Variants in PRDM12 observed in about 807,000 individuals in gnomAD.
PRDM12 encodes PR domain zinc finger protein 12.
Under a neutral mutation model 29.6 loss-of-function variants are expected in PRDM12, and 17 were observed. The observed-to-expected ratio is 0.57, with a 90% CI of 0.39 to 0.86. PRDM12 has a LOEUF of 0.86. PRDM12 is among the 40% of genes least tolerant of loss of function. The pLI is 0.00. For synonymous variants in PRDM12, 231 were observed against 225.8 expected, an observed-to-expected ratio of 1.02 and a Z score of -0.21; for missense variants, 422 against 510.8, an observed-to-expected ratio of 0.83 and a Z score of 1.68.
At position 130,681,143 on chromosome 9, in the gene PRDM12, G is replaced by C. The variant is rs1342719521; in HGVS notation, c.683-105G>C. 3 of 1,206,880 alleles carry C rather than the reference G, an allele frequency of 2.5e-6. No individual in the cohort carries two copies. Among genetic ancestry groups the C allele is most frequent in the Admixed American group, 3.6e-5 (1 of 27,768 alleles). The allele number at this position is 1,206,880 out of a possible 1,614,324, so 74.8% of individuals were successfully genotyped here. A position where few individuals can be genotyped will look rare whatever the true frequency, so the allele number is the denominator to read the frequency against. ...CACCCTCAAGGACGGACCGGCCCCG[G>C]GCTGGGGGCGCTGAGGGCCCGGGCT... is the stretch of plus-strand genomic sequence containing the variant. On this transcript the variant is annotated intron_variant, in intron 4 of 4. Transcript: ENST00000253008. This position sits in a 1 kb window ranked among gnomAD's most constrained non-coding sequence, Gnocchi z 8.1.
At chr9:130,665,689 G>T (rs1229604920) in intron 1 of PRDM12, among the ~76,000 whole-genome samples, 2 of 152,108 alleles carry the variant, frequency 1.3e-5, no homozygotes, top group Non-Finnish European at 2.9e-5. Flanking sequence ...AATTTCTTTC[G>T]AATGGAGCCG....
intron 3 of PRDM12, among the ~76,000 whole-genome samples, chr9:130,674,492 T>TG (rs1830817610): frequency 7.7e-5 from 11 of 142,796 alleles, no homozygotes; most frequent in Admixed American, 1.4e-4. Flanking sequence ...AAAAGATAAT[T>TG]TGTGTGTGTG....
Position 130,681,586 on chromosome 9 carries a change from C to T in PRDM12, c.1021C>T (p.His341Tyr). 8.9e-7 allele frequency: 1 copy of T among 1,124,678 alleles called. No homozygotes were observed. Among genetic ancestry groups the T allele is most frequent in the Non-Finnish European group, 1.1e-6 (1 of 917,832 alleles). The allele number at this position is 1,124,678 out of a possible 1,614,324, so 69.7% of individuals were successfully genotyped here. The change falls in exon 5 of 5, where the codon CAC (histidine) becomes TAC (tyrosine). Residue 341 changes from histidine (H) to tyrosine (Y), a missense_variant. Physicochemically the swap from His to Tyr is moderately conservative, Grantham distance 83. This residue lies in a region of PRDM12 where 66 missense variants were observed against 61.5 expected (regional missense o/e 1.07). Transcript: ENST00000253008. The surrounding 1 kb of genome is among the most constrained non-coding windows in gnomAD (Gnocchi z 8.1). ...ACACTCGCCCGCGCTGCCCGCCCCGCACGCGCACGCGCCCGCGCTCGCCGC... is the reference window on the plus strand; with the variant it reads ...ACACTCGCCCGCGCTGCCCGCCCCGTACGCGCACGCGCCCGCGCTCGCCGC... ...QAHSPALPAP[H>Y]AHAPALAAAA... is the part of the protein sequence containing the mutation.
At position 130,668,441 on chromosome 9, in the gene PRDM12, T is replaced by C; in HGVS notation, c.570+128T>C. The stretch of plus-strand genomic sequence containing the variant: ...GAGCTGACACTGGCCTCGCTGGCTC[T>C]GCGCAGGCCATGGGGCTGTGGCAGA... On this transcript the variant is annotated intron_variant, in intron 3 of 4. Transcript: ENST00000253008. This position sits in a 1 kb window ranked among gnomAD's most constrained non-coding sequence, Gnocchi z 4.0. 4 of 1,441,724 alleles carry C rather than the reference T, an allele frequency of 2.8e-6. No homozygotes were observed. The highest frequency in any genetic ancestry group is 3.8e-6 in the Non-Finnish European group (4 of 1,054,346). The allele number at this position is 1,441,724 out of a possible 1,614,324, so 89.3% of individuals were successfully genotyped here. A position where few individuals can be genotyped will look rare whatever the true frequency, so the allele number is the denominator to read the frequency against.
In PRDM12 at chr9:130,667,622, G is replaced by A. The variant is rs1830746295; in HGVS notation, c.415-536G>A. Among the ~76,000 whole-genome samples the A allele has an allele frequency of 2.0e-5, 3 of 152,266 alleles. No individual in the cohort carries two copies. In the South Asian group the frequency reaches 6.2e-4, roughly 32 times the overall value. On this transcript the variant is annotated intron_variant, in intron 2 of 4. Coordinates refer to ENST00000253008, the MANE Select transcript of PRDM12 (RefSeq NM_021619.3). Reference sequence around the variant, plus strand: ...TTGACCTCATCTCCCTCCTCTGGAGGGCTGGACCACTAACCACCTTCTCCA... The same window carrying A: ...TTGACCTCATCTCCCTCCTCTGGAGAGCTGGACCACTAACCACCTTCTCCA...
intron 3 of PRDM12, among the ~76,000 whole-genome samples, chr9:130,670,330 G>A (rs142787780): frequency 1.3e-5 from 2 of 152,252 alleles, no homozygotes; most frequent in East Asian, 3.9e-4. Flanking sequence ...GGGCCTAGTA[G>A]CTTCTCGGAT....
At chr9:130,669,638 AC>A (rs1419857348) in intron 3 of PRDM12, among the ~76,000 whole-genome samples, 11 of 151,016 alleles carry the variant, frequency 7.3e-5, no homozygotes, top group Non-Finnish European at 1.0e-4. Context: ...ACATGGTGAA[AC>A]CCCGTCTCTA....
chr9:130,672,885 C>A (rs1430689053), intron 3 of PRDM12, among the ~76,000 whole-genome samples: 1 of 152,174 alleles, frequency 6.6e-6, no homozygotes, highest in African/African-American at 2.4e-5. Context: ...AAAATTCTGT[C>A]ATTTCCAATT....
chr9:130,673,010 CAG>C (rs1312851386), intron 3 of PRDM12, among the ~76,000 whole-genome samples: 10 of 152,200 alleles, frequency 6.6e-5, no homozygotes, highest in Non-Finnish European at 1.2e-4. Context: ...GCTGGTATTC[CAG>C]AGTTTTACTG....
At position 130,668,132 on chromosome 9, in the gene PRDM12, C is replaced by G. The variant is rs1830750470; in HGVS notation, c.415-26C>G. The stretch of plus-strand genomic sequence containing the variant: ...TACACATGGCATAGCCCTGCCTTAC[C>G]TGGTCCTTGATCCATCTGTGCCCAG... On this transcript the variant is annotated intron_variant, in intron 2 of 4. Coordinates refer to ENST00000253008, the MANE Select transcript of PRDM12 (RefSeq NM_021619.3). This position sits in a 1 kb window ranked among gnomAD's most constrained non-coding sequence, Gnocchi z 4.0. 1 of 1,612,850 alleles carries G rather than the reference C, an allele frequency of 6.2e-7. No individual in the cohort carries two copies. Among genetic ancestry groups the G allele is most frequent in the Non-Finnish European group, 8.5e-7 (1 of 1,179,212 alleles).
At position 130,668,400 on chromosome 9, in the gene PRDM12, C is replaced by CACAGTGGACAGAGGGGAGCTG. The variant is rs1339754006; in HGVS notation, c.570+91_570+111dup. On this transcript the variant is annotated intron_variant, in intron 3 of 4. Coordinates refer to ENST00000253008, the MANE Select transcript of PRDM12 (RefSeq NM_021619.3). The surrounding 1 kb of genome is among the most constrained non-coding windows in gnomAD (Gnocchi z 4.0). ...GTGCAGGGCAGCGGTGTCCAGGAAC[C>CACAGTGGACAGAGGGGAGCTG]ACAGTGGACAGAGGGGAGCTGACAC... 8.2e-6 allele frequency: 13 copies of CACAGTGGACAGAGGGGAGCTG among 1,576,298 alleles called. No homozygotes were observed. In the Admixed American group the frequency reaches 2.2e-4, roughly 27 times the overall value.
intron 3 of PRDM12, among the ~76,000 whole-genome samples, chr9:130,676,444 C>T (rs939489712): frequency 5.3e-5 from 8 of 151,948 alleles, no homozygotes; most frequent in African/African-American, 7.3e-5. Context: ...TGCAGTGAGC[C>T]AAGATCGCGC....
chr9:130,666,630 G>A lies in PRDM12; in HGVS notation c.246G>A (p.Leu82=), dbSNP rs770609743. The change falls in exon 2 of 5, where the codon CTG becomes CTA. Residue 82 remains leucine (L), a synonymous_variant. Coordinates refer to ENST00000253008, the MANE Select transcript of PRDM12 (RefSeq NM_021619.3). The stretch of plus-strand genomic sequence containing the variant: ...CAGAAGTGCAGAAGCTGTCCAGCCT[G>A]GTGCTGCCTGCGGAGGTGATCATCG... The part of the protein sequence containing the change: ...FSGEVQKLSS[L]VLPAEVIIAQ... 6 of 1,611,944 alleles carry A rather than the reference G, an allele frequency of 3.7e-6. No individual in the cohort carries two copies. In the East Asian group the frequency reaches 8.9e-5, roughly 24 times the overall value.
chr9:130,669,346 A>G lies in PRDM12; in HGVS notation c.570+1033A>G, dbSNP rs183879507. On this transcript the variant is annotated intron_variant, in intron 3 of 4. Coordinates refer to ENST00000253008, the MANE Select transcript of PRDM12 (RefSeq NM_021619.3). ...CATCTCAAAAATAAATAAATAAATA[A>G]ATAAAAATAAAAATACAAATACAAA... Among the ~76,000 whole-genome samples, 972 of 151,490 alleles carry G rather than the reference A, an allele frequency of 6.4e-3. 8 individuals are homozygous for G. The highest frequency in any genetic ancestry group is 0.01 in the Middle Eastern group (3 of 294).
chr9:130,665,088 C>G (rs893331310), intron 1 of PRDM12, among the ~76,000 whole-genome samples: 1 of 152,074 alleles, frequency 6.6e-6, no homozygotes, highest in Non-Finnish European at 1.5e-5. Context: ...GGCTCAAGGA[C>G]CGACCCCGGC....
Position 130,666,603 on chromosome 9 carries a change from C to T in PRDM12, c.224-5C>T, listed in dbSNP as rs1281244302. The T allele has an allele frequency of 1.9e-6, 3 of 1,599,686 alleles. No homozygotes were observed. ...TGACCGGTTTTCCTGGCCCCGCCGCCGCAGAAGTGCAGAAGCTGTCCAGCC... is the reference window on the plus strand; with the variant it reads ...TGACCGGTTTTCCTGGCCCCGCCGCTGCAGAAGTGCAGAAGCTGTCCAGCC... On this transcript the variant is annotated splice_polypyrimidine_tract_variant and splice_region_variant and intron_variant, in intron 1 of 4. Transcript: ENST00000253008.
chr9:130,672,024 G>A (rs1029235782), intron 3 of PRDM12, among the ~76,000 whole-genome samples: 5 of 152,310 alleles, frequency 3.3e-5, no homozygotes, highest in African/African-American at 7.2e-5. Flanking sequence ...TGGAGGTTCC[G>A]CAGCAGGGCG....
At chr9:130,666,283 T>C (rs1830732466) in intron 1 of PRDM12, among the ~76,000 whole-genome samples, 1 of 152,266 alleles carries the variant, frequency 6.6e-6, no homozygotes, top group Non-Finnish European at 1.5e-5. Context: ...TCATTAATTC[T>C]TAAACTTATC....
chr9:130,678,079 C>T (rs944924534), intron 3 of PRDM12, among the ~76,000 whole-genome samples: 1 of 152,072 alleles, frequency 6.6e-6, no homozygotes, highest in East Asian at 1.9e-4. Context: ...GTTTCCGGAA[C>T]ATTATCGCCT....
Sources: allele counts gnomAD v4.1 joint callset (sites outside exome capture counted in the v4.1 genomes callset), GRCh38; gene constraint gnomAD v4.1.1; regional missense constraint gnomAD v4.1.1; non-coding constraint Gnocchi (gnomAD v3.1); transcripts MANE v1.5; gene names NCBI Gene and HGNC (gene_info 2026-07-23, HGNC 2026-07-21).